Variants in DNAJC15 observed in about 807,000 individuals in gnomAD.
DNAJC15 encodes DnaJ heat shock protein family (Hsp40) member C15.
A neutral mutation model predicts 22.4 loss-of-function variants in DNAJC15; 27 were observed. The ratio of observed to expected loss-of-function variants is 1.20; its 90% CI spans 0.89 to 1.66. The LOEUF is 1.66. DNAJC15 is among the 40% of genes most tolerant of loss of function. DNAJC15 has a pLI of 0.00. For missense variants in DNAJC15, 208 were observed against 187.1 expected, an observed-to-expected ratio of 1.11 and a Z score of -0.65; for synonymous variants, 79 against 63.2, an observed-to-expected ratio of 1.25 and a Z score of -1.19.
intron 1 of DNAJC15, among the ~76,000 whole-genome samples, chr13:43,040,459 G>A (rs1325358819): frequency 6.6e-6 from 1 of 152,204 alleles, no homozygotes; most frequent in African/African-American, 2.4e-5. Flanking sequence ...GTAGATGGAA[G>A]TTGACTTTAC....
chr13:43,112,236 T>C lies in DNAJC15; in HGVS notation c.*4988T>C, dbSNP rs897437281. On this transcript the variant is annotated 3_prime_UTR_variant, in exon 6 of 6. Coordinates refer to ENST00000379221, the MANE Select transcript of DNAJC15 (RefSeq NM_013238.3). ...TGAAATGCAAGTTCATTAAGTAATC[T>C]TCATTTCTCTTCCTGCCATAATAAC... 4 of 152,258 alleles carry C rather than the reference T, an allele frequency of 2.6e-5. No individual in the cohort carries two copies. Among genetic ancestry groups the C allele is most frequent in the African/African-American group, 9.6e-5 (4 of 41,474 alleles). 9.4% of individuals were successfully genotyped at this position (152,258 alleles called of 1,614,324 possible). A position where few individuals can be genotyped will look rare whatever the true frequency, so the allele number is the denominator to read the frequency against.
intron 2 of DNAJC15, among the ~76,000 whole-genome samples, chr13:43,068,726 G>T (rs557579472): frequency 5.9e-5 from 9 of 151,838 alleles, no homozygotes; most frequent in African/African-American, 2.2e-4. Flanking sequence ...AAATTTAATG[G>T]CTATGATAAT....
intron 1 of DNAJC15, among the ~76,000 whole-genome samples, chr13:43,041,213 G>A (rs920363655): frequency 6.6e-6 from 1 of 152,188 alleles, no homozygotes; most frequent in Non-Finnish European, 1.5e-5. Flanking sequence ...GCAGGGTTTT[G>A]TGTCCCTGGG....
intron 5 of DNAJC15, among the ~76,000 whole-genome samples, chr13:43,089,391 G>A (rs566652715): frequency 2.6e-5 from 4 of 152,196 alleles, no homozygotes; most frequent in Non-Finnish European, 5.9e-5. Flanking sequence ...GTAGCAAGGC[G>A]ATAAAGGGTA....
intron 1 of DNAJC15, among the ~76,000 whole-genome samples, chr13:43,048,566 C>T (rs1029302598): frequency 2.0e-5 from 3 of 152,202 alleles, no homozygotes; most frequent in Non-Finnish European, 1.5e-5. Context: ...GAATATATAT[C>T]ATCTTTTTTT....
At chr13:43,051,506 A>G (rs1408606532) in intron 1 of DNAJC15, among the ~76,000 whole-genome samples, 1 of 152,170 alleles carries the variant, frequency 6.6e-6, no homozygotes, top group African/African-American at 2.4e-5. Context: ...TCCTAGTTAT[A>G]AATGAGAACA....
In DNAJC15 at chr13:43,045,524, T is replaced by C. The variant is rs137862435; in HGVS notation, c.109-20162T>C. On this transcript the variant is annotated intron_variant, in intron 1 of 5. Coordinates refer to ENST00000379221, the MANE Select transcript of DNAJC15 (RefSeq NM_013238.3). ...CTAGGGGATATGTGACGGGGTTTCA[T>C]GCACTGGTAGTCAGAGTGAAACAGA... Among the ~76,000 whole-genome samples, 1,199 of 152,296 alleles carry C rather than the reference T, an allele frequency of 7.9e-3. 14 individuals carry two copies. The highest frequency in any genetic ancestry group is 0.028 in the African/African-American group (1,145 of 41,556).
At chr13:43,026,851 A>C (rs1407180661) in intron 1 of DNAJC15, among the ~76,000 whole-genome samples, 1 of 152,234 alleles carries the variant, frequency 6.6e-6, no homozygotes, top group East Asian at 1.9e-4. Context: ...GGTGGGCAAC[A>C]TAGTGAGACC....
At chr13:43,024,571 G>C (rs111884657) in intron 1 of DNAJC15, among the ~76,000 whole-genome samples, 39,415 of 151,248 alleles carry the variant, frequency 0.26, 5,289 homozygotes, top group African/African-American at 0.34. Context: ...GTCTCGATCT[G>C]CTTACCTCGT....
At chr13:43,083,721 A>G (rs1236569601) in intron 4 of DNAJC15, among the ~76,000 whole-genome samples, 2 of 152,194 alleles carry the variant, frequency 1.3e-5, no homozygotes, top group South Asian at 2.1e-4. Flanking sequence ...GTTAAACAGT[A>G]TAGTGTTCAT....
At chr13:43,096,210 G>C (rs2040738931) in intron 5 of DNAJC15, among the ~76,000 whole-genome samples, 1 of 152,134 alleles carries the variant, frequency 6.6e-6, no homozygotes, top group African/African-American at 2.4e-5. Flanking sequence ...ACATGGAAAA[G>C]AGCCATGGGA....
chr13:43,023,638 T>C lies in DNAJC15; in HGVS notation c.12T>C (p.Arg4=). 1 of 1,611,310 alleles carries C rather than the reference T, an allele frequency of 6.2e-7. No homozygotes were observed. The highest frequency in any genetic ancestry group is 1.3e-5 in the African/African-American group (1 of 74,958). MAA[R]GVIAPVGESL... The stretch of plus-strand genomic sequence containing the variant: ...CGGGCCGCCTTGCCATGGCTGCCCG[T>C]GGTGTCATCGCTCCAGTTGGCGAGA... The change falls in exon 1 of 6, where the codon CGT becomes CGC. Residue 4 remains arginine, a synonymous_variant. Transcript: ENST00000379221.
intron 1 of DNAJC15, among the ~76,000 whole-genome samples, chr13:43,032,644 C>T (rs60068452): frequency 1.1e-4 from 17 of 151,990 alleles, no homozygotes; most frequent in East Asian, 3.9e-4. Flanking sequence ...GTCAATATGG[C>T]GAAACCCCAC....
chr13:43,065,569 C>G (rs1187766928), intron 1 of DNAJC15, 117 bp from the exon 2 acceptor site: 1 of 821,622 alleles, frequency 1.2e-6, no homozygotes, highest in African/African-American at 1.7e-5. Context: ...CTGATCTTCA[C>G]AGTAGAGCTT....
intron 1 of DNAJC15, among the ~76,000 whole-genome samples, chr13:43,038,796 A>T (rs546428035): frequency 4.3e-5 from 6 of 140,906 alleles, no homozygotes; most frequent in Non-Finnish European, 9.2e-5. Context: ...TGTCTCAAAA[A>T]ATAGGAAAAA....
chr13:43,092,645 A>AT lies in DNAJC15; in HGVS notation c.382+6814dup, dbSNP rs561980716. Among the ~76,000 whole-genome samples, 83 of 152,104 alleles carry AT rather than the reference A, an allele frequency of 5.5e-4. 2 individuals carry two copies. The South Asian group carries it at 0.013, about 23-fold the overall frequency. On this transcript the variant is annotated intron_variant, in intron 5 of 5. Transcript: ENST00000379221. The stretch of plus-strand genomic sequence containing the variant: ...TTTTCTTTAGTAACTTGATAGATAC[A>AT]TTTTTTTAAAAGACCATTTATTTTG...
chr13:43,069,008 G>A lies in DNAJC15; in HGVS notation c.234+5G>A. Reference sequence around the variant, plus strand: ...GCAAAGAAGATTTCAACTCCTGTAAGTTAAACGTGGCTTTAGTTAGAAGAC... The same window carrying A: ...GCAAAGAAGATTTCAACTCCTGTAAATTAAACGTGGCTTTAGTTAGAAGAC... On this transcript the variant is annotated splice_donor_5th_base_variant and intron_variant, in intron 3 of 5. Coordinates refer to ENST00000379221, the MANE Select transcript of DNAJC15 (RefSeq NM_013238.3). 1 of 1,609,984 alleles carries A rather than the reference G, an allele frequency of 6.2e-7. No homozygotes were observed. The highest frequency in any genetic ancestry group is 1.1e-5 in the South Asian group (1 of 90,292).
intron 5 of DNAJC15, among the ~76,000 whole-genome samples, chr13:43,097,836 C>T (rs2040748395): frequency 1.3e-5 from 2 of 152,266 alleles, no homozygotes; most frequent in South Asian, 4.1e-4. Flanking sequence ...ACTCAGGAGG[C>T]TGAGGCAGGA....
intron 1 of DNAJC15, among the ~76,000 whole-genome samples, chr13:43,062,314 A>G (rs2040562948): frequency 6.6e-6 from 1 of 152,196 alleles, no homozygotes; most frequent in Non-Finnish European, 1.5e-5. Flanking sequence ...TGGGGAATAA[A>G]TTATGCCATT....
Sources: allele counts gnomAD v4.1 joint callset (sites outside exome capture counted in the v4.1 genomes callset), GRCh38; gene constraint gnomAD v4.1.1; transcripts MANE v1.5; gene names NCBI Gene and HGNC (gene_info 2026-07-23, HGNC 2026-07-21).